The following RORC variants were observed in gnomAD, a reference collection of about 807,000 sequenced individuals.
RORC encodes RAR related orphan receptor C.
RORC carries 13 observed loss-of-function variants against 64.5 expected under a neutral mutation model. The observed-to-expected ratio is 0.20, with a 90% CI of 0.13 to 0.32. The LOEUF is 0.32. Ranked by LOEUF, RORC falls within the 10% of genes least tolerant of loss-of-function variation. The pLI, the probability that RORC is intolerant of heterozygous loss-of-function variation, is 1.00. For missense variants in RORC, 468 were observed against 669.5 expected (o/e 0.70, Z 3.32); for synonymous variants, 277 against 259.3 (o/e 1.07, Z -0.65).
In RORC at chr1:151,807,448, G is replaced by A. The variant is rs1651358937; in HGVS notation, c.*24C>T. On this transcript the variant is annotated 3_prime_UTR_variant, in exon 11 of 11. Coordinates refer to ENST00000318247, the MANE Select transcript of RORC (RefSeq NM_005060.4). This position sits in a 1 kb window ranked among gnomAD's most constrained non-coding sequence, Gnocchi z 5.0. The stretch of plus-strand genomic sequence containing the variant: ...GAGGTGGGCCAGCAGGCCATAGGGA[G>A]AGGCAAGGAGTCCCTCTTCCAGGTC... 6.2e-7 allele frequency: 1 copy of A among 1,612,008 alleles called. No homozygotes were observed. Among genetic ancestry groups the A allele is most frequent in the Non-Finnish European group, 8.5e-7 (1 of 1,178,618 alleles).
At position 151,815,172 on chromosome 1, in the gene RORC, G is replaced by A. The variant is rs1369406037; in HGVS notation, c.552C>T (p.Pro184=). Reference sequence around the variant, plus strand: ...CCTTGGCCAAGTTGTTGGAATATGAGGGCCCAGAGCCTGAGGCTTTCAGGA... The same window carrying A: ...CCTTGGCCAAGTTGTTGGAATATGAAGGCCCAGAGCCTGAGGCTTTCAGGA... ...PGLLKASGSG[P]SYSNNLAKAG... is the part of the protein sequence containing the mutation. Residue 184 remains proline (P), a synonymous_variant, in exon 5 of 11, where the codon CCC becomes CCT. Coordinates refer to ENST00000318247, the MANE Select transcript of RORC (RefSeq NM_005060.4). 3 of 1,613,852 alleles carry A rather than the reference G, an allele frequency of 1.9e-6. No homozygotes were observed. Among genetic ancestry groups the A allele is most frequent in the Non-Finnish European group, 2.5e-6 (3 of 1,179,944 alleles).
chr1:151,818,678 G>A (rs1425255093), intron 2 of RORC, among the ~76,000 whole-genome samples: 1 of 152,198 alleles, frequency 6.6e-6, no homozygotes, highest in Non-Finnish European at 1.5e-5. Context: ...CCCTGGGGCG[G>A]GACAGGCCAG....
At chr1:151,823,871 C>T (rs1558169267) in intron 2 of RORC, among the ~76,000 whole-genome samples, 1 of 152,182 alleles carries the variant, frequency 6.6e-6, no homozygotes, top group Non-Finnish European at 1.5e-5. Flanking sequence ...TCTCAAACTC[C>T]TGGCCTCAAG....
At chr1:151,819,478 T>G (rs1194016045) in intron 2 of RORC, among the ~76,000 whole-genome samples, 6 of 152,022 alleles carry the variant, frequency 3.9e-5, no homozygotes, top group Admixed American at 2.0e-4. Flanking sequence ...CACCTCCCCC[T>G]CCAACACTGT....
At chr1:151,812,100 A>G (rs959636689) in intron 9 of RORC, 3 of 152,176 alleles carry the variant, frequency 2.0e-5, no homozygotes, top group Non-Finnish European at 4.4e-5. Context: ...TCTTCCTATT[A>G]TAGGCATACA....
intron 5 of RORC, 41 bp downstream of exon 5, chr1:151,814,871 TC>T (rs749523252): frequency 4.4e-6 from 7 of 1,588,444 alleles, no homozygotes; most frequent in South Asian, 2.3e-5. Context: ...TGGAAACCCC[TC>T]CCTCATCTCT....
intron 2 of RORC, 35 bp downstream of exon 2, chr1:151,829,394 C>T: frequency 6.5e-7 from 1 of 1,535,662 alleles, no homozygotes; most frequent in Non-Finnish European, 8.7e-7. Context: ...CTCATTATGC[C>T]CCAGCCATTT....
chr1:151,817,615 T>G (rs1651819018), intron 2 of RORC, among the ~76,000 whole-genome samples: 1 of 152,188 alleles, frequency 6.6e-6, no homozygotes, highest in African/African-American at 2.4e-5. Flanking sequence ...CCTCCCGCCT[T>G]GGGACATAGG....
chr1:151,825,598 C>G (rs796066676), intron 2 of RORC, among the ~76,000 whole-genome samples: 28 of 152,270 alleles, frequency 1.8e-4, no homozygotes, highest in African/African-American at 6.7e-4. Context: ...CCATCAGATA[C>G]CAGCTGTGTA....
rs201803360 is a variant in RORC, at chr1:151,807,311, G to T, written c.*161C>A. 3.1e-6 allele frequency: 2 copies of T among 638,456 alleles called. No individual in the cohort carries two copies. The highest frequency in any genetic ancestry group is 1.8e-5 in the African/African-American group (1 of 54,642). The allele number at this position is 638,456 out of a possible 1,614,324, so 39.5% of individuals were successfully genotyped here. A position where few individuals can be genotyped will look rare whatever the true frequency, so the allele number is the denominator to read the frequency against. On this transcript the variant is annotated 3_prime_UTR_variant, in exon 11 of 11. Transcript: ENST00000318247. The surrounding 1 kb of genome is among the most constrained non-coding windows in gnomAD (Gnocchi z 5.0). ...TGGCGATTGTCCCACTGCCAGGCCG[G>T]CCTGCTGACAGAAAGCCAGCCGCAG...
chr1:151,831,222 C>T (rs1652407341), intron 1 of RORC: 6 of 798,014 alleles, frequency 7.5e-6, no homozygotes, highest in Non-Finnish European at 1.0e-5. Context: ...TGTGGTTCCC[C>T]CTGCCACACT....
chr1:151,823,826 G>A (rs1652088110), intron 2 of RORC, among the ~76,000 whole-genome samples: 1 of 152,084 alleles, frequency 6.6e-6, no homozygotes, highest in African/African-American at 2.4e-5. Flanking sequence ...AACTTTTTTT[G>A]TAGGGACAGC....
In RORC at chr1:151,807,401, T is replaced by G; in HGVS notation, c.*71A>C. On this transcript the variant is annotated 3_prime_UTR_variant, in exon 11 of 11. Coordinates refer to ENST00000318247, the MANE Select transcript of RORC (RefSeq NM_005060.4). The surrounding 1 kb of genome is among the most constrained non-coding windows in gnomAD (Gnocchi z 5.0). ...CAGGGTTCATGGGAAAGGAAAAGGG[T>G]GAGGGTGGAACGGGGTCCAGGGAGG... 6.8e-7 allele frequency: 1 copy of G among 1,480,662 alleles called. No individual in the cohort carries two copies. Among genetic ancestry groups the G allele is most frequent in the Non-Finnish European group, 9.3e-7 (1 of 1,076,736 alleles). 91.7% of individuals were successfully genotyped at this position (1,480,662 alleles called of 1,614,324 possible).
At chr1:151,829,586 G>C in intron 1 of RORC, 128 bp from the exon 2 acceptor site, 1 of 822,746 alleles carries the variant, frequency 1.2e-6, no homozygotes, top group East Asian at 3.0e-5. Flanking sequence ...AGGGCAGGCA[G>C]GCCACCCCCT....
intron 2 of RORC, among the ~76,000 whole-genome samples, chr1:151,820,945 A>G (rs1651972181): frequency 1.3e-5 from 2 of 152,192 alleles, no homozygotes; most frequent in Admixed American, 1.3e-4. Flanking sequence ...TCATTCTTGC[A>G]TCTTTTCTGC....
chr1:151,829,677 C>T (rs149444934), intron 1 of RORC, among the ~76,000 whole-genome samples: 153 of 152,308 alleles, frequency 1.0e-3, no homozygotes, highest in Non-Finnish European at 1.7e-3. Context: ...CTCCTCACTG[C>T]CTCTGGGACT....
At chr1:151,817,980 AGT>A (rs1280931428) in intron 2 of RORC, among the ~76,000 whole-genome samples, 1 of 152,244 alleles carries the variant, frequency 6.6e-6, no homozygotes, top group East Asian at 1.9e-4. Flanking sequence ...CGTGTGTCTG[AGT>A]GTGAACACTT....
intron 10 of RORC, among the ~76,000 whole-genome samples, chr1:151,809,591 A>AG (rs1362273686): frequency 1.3e-5 from 2 of 152,144 alleles, no homozygotes; most frequent in Non-Finnish European, 2.9e-5. Context: ...GAGAGCTGGT[A>AG]GGGGCCAGGG....
chr1:151,808,603 C>T (rs1017647355), intron 10 of RORC, among the ~76,000 whole-genome samples: 1 of 152,324 alleles, frequency 6.6e-6, no homozygotes, highest in East Asian at 1.9e-4. Flanking sequence ...ATGGCAATAG[C>T]TTCCTTCATT....
Sources: gnomAD v4.1 joint callset for allele counts (sites outside exome capture counted in the v4.1 genomes callset) on GRCh38, gnomAD v4.1.1 for gene constraint, Gnocchi (gnomAD v3.1) non-coding constraint, MANE v1.5 for transcripts, NCBI Gene and HGNC (gene_info 2026-07-23, HGNC 2026-07-21) for gene names.